Variants in FBXO30 observed in about 807,000 individuals in gnomAD.
The protein encoded by FBXO30 is F-box protein 30.
In FBXO30, 21 loss-of-function variants were observed where a neutral mutation model predicts 58.1. The ratio of observed to expected loss-of-function variants is 0.36; its 90% CI spans 0.26 to 0.52. The LOEUF (loss-of-function observed/expected upper bound fraction) is 0.52, where lower values mean the gene tolerates loss of function less well. Ranked by LOEUF, FBXO30 falls within the 20% of genes least tolerant of loss-of-function variation. The pLI is 0.93. For synonymous variants in FBXO30, 309 were observed against 312.4 expected, an observed-to-expected ratio of 0.99 and a Z score of 0.11; for missense variants, 744 against 897.3, an observed-to-expected ratio of 0.83 and a Z score of 2.18.
At position 145,806,255 on chromosome 6, in the gene FBXO30, G is replaced by T. The variant is rs368500898; in HGVS notation, c.151C>A (p.Leu51Ile). The change falls in exon 2 of 3, where the codon CTT becomes ATT. Residue 51 changes from leucine (L) to isoleucine (I), a missense_variant. Leu to Ile is a conservative substitution (Grantham distance 5). Transcript: ENST00000237281. ...FHSCKADEHR[L>I]LCPFERVPCL... ...GGCACTCGTTCAAATGGACATAAAA[G>T]TCGATGCTCATCAGCTTTACAAGAA... is the stretch of plus-strand genomic sequence containing the variant. The T allele has an allele frequency of 6.2e-7, 1 of 1,614,046 alleles. No individual in the cohort carries two copies. Among genetic ancestry groups the T allele is most frequent in the East Asian group, 2.2e-5 (1 of 44,880 alleles).
chr6:145,795,632 C>T lies in FBXO30; in HGVS notation c.*4474G>A, dbSNP rs1377805694. On this transcript the variant is annotated 3_prime_UTR_variant, in exon 3 of 3. Transcript: ENST00000237281. ...TCTATAGAGCATGTTCATGAATATTCCTTATAACCCATTTCTTTGTAGTTT... is the reference window on the plus strand; with the variant it reads ...TCTATAGAGCATGTTCATGAATATTTCTTATAACCCATTTCTTTGTAGTTT... 1 of 151,612 alleles carries T rather than the reference C, an allele frequency of 6.6e-6. No individual in the cohort carries two copies. The highest frequency in any genetic ancestry group is 1.9e-4 in the East Asian group (1 of 5,196). The allele number at this position is 151,612 out of a possible 1,614,324, so 9.4% of individuals were successfully genotyped here. A position where few individuals can be genotyped will look rare whatever the true frequency, so the allele number is the denominator to read the frequency against.
At chr6:145,806,857 A>G (rs1778187999) in intron 1 of FBXO30, among the ~76,000 whole-genome samples, 1 of 152,356 alleles carries the variant, frequency 6.6e-6, no homozygotes, top group African/African-American at 2.4e-5. Context: ...TATTACTAAA[A>G]GAACAATATG....
In FBXO30 at chr6:145,799,945, C is replaced by T. The variant is rs1777945333; in HGVS notation, c.*161G>A. On this transcript the variant is annotated 3_prime_UTR_variant, in exon 3 of 3. Coordinates refer to ENST00000237281, the MANE Select transcript of FBXO30 (RefSeq NM_032145.5). ...CAAACATTAAGGCAACTTTTTCCAA[C>T]TAAACAGTACTTTATAAAAATAGAT... 1.8e-6 allele frequency: 1 copy of T among 548,342 alleles called. No homozygotes were observed. Among genetic ancestry groups the T allele is most frequent in the Admixed American group, 3.9e-5 (1 of 25,856 alleles). 34.0% of individuals were successfully genotyped at this position (548,342 alleles called of 1,614,324 possible). A position where few individuals can be genotyped will look rare whatever the true frequency, so the allele number is the denominator to read the frequency against.
In FBXO30 at chr6:145,805,890, C is replaced by G; in HGVS notation, c.516G>C (p.Val172=). 1 of 1,614,038 alleles carries G rather than the reference C, an allele frequency of 6.2e-7. No homozygotes were observed. Among genetic ancestry groups the G allele is most frequent in the Non-Finnish European group, 8.5e-7 (1 of 1,179,970 alleles). Residue 172 remains valine (V), a synonymous_variant, in exon 2 of 3, where the codon GTG becomes GTC. Coordinates refer to ENST00000237281, the MANE Select transcript of FBXO30 (RefSeq NM_032145.5). ...VPEIPHANGL[V]SVDEESYGAL... ...CACCATAAGATTCTTCATCAACAGA[C>G]ACTAAACCATTAGCATGTGGTATTT...
Position 145,809,244 on chromosome 6 carries a change from A to G in FBXO30, c.-16-2823T>C, listed in dbSNP as rs138538732. 1.6e-4 allele frequency among the ~76,000 whole-genome samples: 25 copies of G among 152,334 alleles called. 1 individual carries two copies. Among genetic ancestry groups the G allele is most frequent in the African/African-American group, 5.3e-4 (22 of 41,592 alleles). ...AACCAGACATTTAAAGAAAAACTTT[A>G]TTAAGAATTATGACAAATCTTACTG... On this transcript the variant is annotated intron_variant, in intron 1 of 2. Coordinates refer to ENST00000237281, the MANE Select transcript of FBXO30 (RefSeq NM_032145.5).
chr6:145,794,314 A>G lies in FBXO30; in HGVS notation c.*5792T>C, dbSNP rs1167387706. 2.6e-5 allele frequency: 4 copies of G among 151,986 alleles called. No individual in the cohort carries two copies. Among genetic ancestry groups the G allele is most frequent in the Non-Finnish European group, 5.9e-5 (4 of 67,868 alleles). The allele number at this position is 151,986 out of a possible 1,614,324, so 9.4% of individuals were successfully genotyped here. A position where few individuals can be genotyped will look rare whatever the true frequency, so the allele number is the denominator to read the frequency against. On this transcript the variant is annotated 3_prime_UTR_variant, in exon 3 of 3. Coordinates refer to ENST00000237281, the MANE Select transcript of FBXO30 (RefSeq NM_032145.5). ...ACAACATTTATGTAAATCATGAGAA[A>G]AGGAAGCTAAATGACATCTTAGGTA... is the stretch of plus-strand genomic sequence containing the variant.
At chr6:145,808,999 G>A (rs374576551) in intron 1 of FBXO30, among the ~76,000 whole-genome samples, 2 of 151,324 alleles carry the variant, frequency 1.3e-5, no homozygotes, top group Non-Finnish European at 2.9e-5. Context: ...GAAAAGTTCC[G>A]AGTTGATATT....
rs1445817965 is a variant in FBXO30, at chr6:145,799,429, T to C, written c.*677A>G. The C allele has an allele frequency of 6.6e-6, 1 of 152,268 alleles. No individual in the cohort carries two copies. The highest frequency in any genetic ancestry group is 1.5e-5 in the Non-Finnish European group (1 of 68,008). 9.4% of individuals were successfully genotyped at this position (152,268 alleles called of 1,614,324 possible). A position where few individuals can be genotyped will look rare whatever the true frequency, so the allele number is the denominator to read the frequency against. ...TGCTTTGTCCTGTCATATAACACAC[T>C]GCGATGAGTCTTCGGATGTGGCATC... On this transcript the variant is annotated 3_prime_UTR_variant, in exon 3 of 3. Coordinates refer to ENST00000237281, the MANE Select transcript of FBXO30 (RefSeq NM_032145.5).
intron 2 of FBXO30, among the ~76,000 whole-genome samples, chr6:145,802,261 G>A (rs889617255): frequency 3.9e-5 from 6 of 152,078 alleles, no homozygotes; most frequent in African/African-American, 4.8e-5. Flanking sequence ...AAGAGTAAGC[G>A]GGACATAGCA....
chr6:145,799,602 T>C lies in FBXO30; in HGVS notation c.*504A>G, dbSNP rs1777936387. On this transcript the variant is annotated 3_prime_UTR_variant, in exon 3 of 3. Coordinates refer to ENST00000237281, the MANE Select transcript of FBXO30 (RefSeq NM_032145.5). ...GTATGTAAGTATATATTAGAGATCA[T>C]TTGTGCATTAACAATTGTATAGGGA... 6.5e-6 allele frequency: 1 copy of C among 152,728 alleles called. No individual in the cohort carries two copies. The highest frequency in any genetic ancestry group is 1.5e-5 in the Non-Finnish European group (1 of 68,138). The allele number at this position is 152,728 out of a possible 1,614,324, so 9.5% of individuals were successfully genotyped here.
chr6:145,796,444 G>A lies in FBXO30; in HGVS notation c.*3662C>T, dbSNP rs1344510066. 2 of 151,874 alleles carry A rather than the reference G, an allele frequency of 1.3e-5. No individual in the cohort carries two copies. The highest frequency in any genetic ancestry group is 4.8e-5 in the African/African-American group (2 of 41,370). 9.4% of individuals were successfully genotyped at this position (151,874 alleles called of 1,614,324 possible). On this transcript the variant is annotated 3_prime_UTR_variant, in exon 3 of 3. Transcript: ENST00000237281. ...ATTCTCTGCTTCCTAGACCTTATGAGCATCTTAAGTAAGACTACTTAACAG... is the reference window on the plus strand; with the variant it reads ...ATTCTCTGCTTCCTAGACCTTATGAACATCTTAAGTAAGACTACTTAACAG...
rs532426956 is a variant in FBXO30, at chr6:145,805,735, G to A, written c.671C>T (p.Ala224Val). The A allele has an allele frequency of 2.1e-5, 34 of 1,613,900 alleles. No homozygotes were observed. Among genetic ancestry groups the A allele is most frequent in the South Asian group, 1.4e-4 (13 of 91,068 alleles). ...GTTTTGATCCTCTAAGCTTTCTCTC[G>A]CATTTTGCTGTTCATCCATGTCATT... ...VPNDMDEQQN[A>V]RESLEDQNLK... The change falls in exon 2 of 3, where the codon GCG becomes GTG. Residue 224 changes from alanine to valine, a missense_variant. Ala to Val is a moderately conservative substitution (Grantham distance 64). Coordinates refer to ENST00000237281, the MANE Select transcript of FBXO30 (RefSeq NM_032145.5).
intron 1 of FBXO30, among the ~76,000 whole-genome samples, chr6:145,810,590 G>A (rs1007722840): frequency 6.6e-6 from 1 of 152,124 alleles, no homozygotes; most frequent in Non-Finnish European, 1.5e-5. Flanking sequence ...TTTTCTCTGA[G>A]AGAAGTTCTT....
chr6:145,806,457 C>CA, intron 1 of FBXO30, 36 bp from the exon 2 acceptor site: 2 of 1,511,968 alleles, frequency 1.3e-6, no homozygotes, highest in Middle Eastern at 1.7e-4. Context: ...AGAAATTAGC[C>CA]AAAAAATGGT....
In FBXO30 at chr6:145,804,958, C is replaced by CAAGCTG; in HGVS notation, c.1442_1447dup (p.Ser481_Ala482dup). The CAAGCTG allele has an allele frequency of 1.2e-6, 2 of 1,613,902 alleles. No individual in the cohort carries two copies. The highest frequency in any genetic ancestry group is 1.7e-5 in the Admixed American group (1 of 59,944). On this transcript the variant is annotated inframe_insertion, in exon 2 of 3. Transcript: ENST00000237281. The stretch of plus-strand genomic sequence containing the variant: ...TGAAAGCTGTGGATTGGCATGATCA[C>CAAGCTG]AAGCTGAAGCTGAAGCTATCTCCCC...
intron 2 of FBXO30, among the ~76,000 whole-genome samples, chr6:145,801,945 A>T (rs1274606062): frequency 6.6e-6 from 1 of 152,120 alleles, no homozygotes; most frequent in Admixed American, 6.5e-5. Context: ...AAGAAAATGT[A>T]TGACTCCCAC....
intron 1 of FBXO30, 119 bp from the exon 2 acceptor site, chr6:145,806,540 T>C (rs554339185): frequency 5.4e-6 from 4 of 745,114 alleles, no homozygotes; most frequent in African/African-American, 5.3e-5. Flanking sequence ...GGATGACATA[T>C]ATAAAATAAA....
chr6:145,800,920 G>A (rs983443144), intron 2 of FBXO30, among the ~76,000 whole-genome samples: 2 of 152,044 alleles, frequency 1.3e-5, no homozygotes, highest in African/African-American at 4.8e-5. Context: ...TTTGTAAAGT[G>A]GATCCTATTT....
chr6:145,808,249 G>A (rs767542033), intron 1 of FBXO30, among the ~76,000 whole-genome samples: 5 of 146,364 alleles, frequency 3.4e-5, no homozygotes, highest in South Asian at 2.2e-4. Flanking sequence ...AAAAAAAAAC[G>A]TCTAATTTCC....
Sources: gnomAD v4.1 joint callset for allele counts (sites outside exome capture counted in the v4.1 genomes callset) on GRCh38, gnomAD v4.1.1 for gene constraint, MANE v1.5 for transcripts, NCBI Gene and HGNC (gene_info 2026-07-23, HGNC 2026-07-21) for gene names.